UPP2: variants seen among roughly 807,000 people sequenced by gnomAD.
The protein encoded by UPP2 is uridine phosphorylase 2.
UPP2 carries 23 observed loss-of-function variants against 26.7 expected under a neutral mutation model. The observed-to-expected ratio is 0.86, with a 90% CI of 0.62 to 1.22. UPP2 has a LOEUF of 1.22. Ranked by LOEUF, UPP2 falls within the 50% of genes most tolerant of loss-of-function variation. UPP2 has a pLI of 0.00. For synonymous variants in UPP2, 127 were observed against 141.3 expected, an observed-to-expected ratio of 0.90 and a Z score of 0.72; for missense variants, 387 against 396.7, an observed-to-expected ratio of 0.98 and a Z score of 0.21.
chr2:158,033,059 C>T (rs1683947318), intron 3 of UPP2, among the ~76,000 whole-genome samples: 1 of 152,076 alleles, frequency 6.6e-6, no homozygotes, highest in Admixed American at 6.5e-5. Flanking sequence ...CCTAGGAGGC[C>T]AGGGGTCATT....
At chr2:158,075,896 G>A (rs575488283) in intron 3 of UPP2, among the ~76,000 whole-genome samples, 1 of 151,518 alleles carries the variant, frequency 6.6e-6, no homozygotes, top group South Asian at 2.1e-4. Flanking sequence ...TCAACAAAAT[G>A]AAAAGATTTT....
chr2:158,086,232 G>C (rs928983228), intron 3 of UPP2, among the ~76,000 whole-genome samples: 1 of 151,862 alleles, frequency 6.6e-6, no homozygotes, highest in Non-Finnish European at 1.5e-5. Context: ...ATCTGGGAGG[G>C]TTATATATTT....
intron 3 of UPP2, among the ~76,000 whole-genome samples, chr2:158,069,297 G>C (rs1178877227): frequency 3.9e-5 from 6 of 152,142 alleles, no homozygotes; most frequent in Non-Finnish European, 7.3e-5. Context: ...ATGAAGCTGG[G>C]CCATTTAGTT....
intron 3 of UPP2, among the ~76,000 whole-genome samples, chr2:158,088,643 G>A (rs1682857247): frequency 6.6e-6 from 1 of 152,188 alleles, no homozygotes; most frequent in Non-Finnish European, 1.5e-5. Flanking sequence ...CTCAAGGGCT[G>A]CTGTTCAGAT....
At chr2:158,056,269 A>C (rs1212808443) in intron 3 of UPP2, among the ~76,000 whole-genome samples, 1 of 151,900 alleles carries the variant, frequency 6.6e-6, no homozygotes, top group African/African-American at 2.4e-5. Flanking sequence ...GCTCCCATCT[A>C]CCCCACACCG....
intron 2 of UPP2, 55 bp downstream of exon 2, chr2:158,106,271 C>A (rs550935186): frequency 2.0e-6 from 3 of 1,507,038 alleles, no homozygotes; most frequent in Admixed American, 3.6e-5. Flanking sequence ...ACTAATTTTT[C>A]TTCTTACCTT....
intron 3 of UPP2, among the ~76,000 whole-genome samples, chr2:158,093,389 C>T (rs529362399): frequency 3.2e-4 from 49 of 151,608 alleles, no homozygotes; most frequent in Non-Finnish European, 4.3e-4. Context: ...AGATAAAAGA[C>T]AACTTTTTGA....
At chr2:158,088,770 T>C (rs1420566892) in intron 3 of UPP2, among the ~76,000 whole-genome samples, 4 of 152,194 alleles carry the variant, frequency 2.6e-5, no homozygotes, top group Non-Finnish European at 5.9e-5. Flanking sequence ...TAGCCACCCA[T>C]TGCAACTACT....
upstream of UPP2, among the ~76,000 whole-genome samples, chr2:158,098,063 CA>C (rs1057185206): frequency 6.6e-6 from 1 of 151,828 alleles, no homozygotes; most frequent in Non-Finnish European, 1.5e-5. Context: ...GTCATTAACA[CA>C]AAAAAACCTA....
chr2:158,048,274 C>T (rs965076159), intron 3 of UPP2, among the ~76,000 whole-genome samples: 1 of 152,148 alleles, frequency 6.6e-6, no homozygotes, highest in African/African-American at 2.4e-5. Flanking sequence ...AGTGGGGCCC[C>T]CATGCTCAGT....
rs10460440 is a variant in UPP2, at chr2:158,047,718, T to A, written c.147+31832T>A. Among the ~76,000 whole-genome samples, 62 of 152,366 alleles carry A rather than the reference T, an allele frequency of 4.1e-4. No homozygotes were observed. In the East Asian group the frequency reaches 0.012, roughly 28 times the overall value. ...AAAGGAATGTAGCTTCAGTTACAGT[T>A]GCAGATAGAAGGCAGCATATCATCC... On this transcript the variant is annotated intron_variant, in intron 3 of 9. Coordinates refer to the UPP2 transcript ENST00000605860.
chr2:158,056,700 G>A (rs766232909), intron 3 of UPP2, among the ~76,000 whole-genome samples: 7 of 152,152 alleles, frequency 4.6e-5, no homozygotes, highest in African/African-American at 7.2e-5. Context: ...TCACATGGCC[G>A]TGAGATTCTT....
intron 2 of UPP2, among the ~76,000 whole-genome samples, chr2:158,007,594 A>C (rs1683511564): frequency 6.6e-6 from 1 of 150,816 alleles, no homozygotes; most frequent in South Asian, 2.1e-4. Flanking sequence ...ATTTGCTAAG[A>C]GGAGCGTGGG....
At chr2:158,114,883 G>C (rs1200499812) in intron 2 of UPP2, among the ~76,000 whole-genome samples, 1 of 152,152 alleles carries the variant, frequency 6.6e-6, no homozygotes, top group African/African-American at 2.4e-5. Flanking sequence ...TTGATTTTGT[G>C]ATTTTCTTTA....
intron 3 of UPP2, among the ~76,000 whole-genome samples, chr2:158,039,676 G>A (rs1222848548): frequency 2.0e-5 from 3 of 152,188 alleles, no homozygotes; most frequent in Non-Finnish European, 4.4e-5. Context: ...GGAATCACCT[G>A]CCATCTTTCT....
chr2:158,033,470 T>C (rs930156977), intron 3 of UPP2, among the ~76,000 whole-genome samples: 2 of 152,078 alleles, frequency 1.3e-5, no homozygotes, highest in African/African-American at 4.8e-5. Flanking sequence ...TGCTGAAGAA[T>C]AGCTTCTCCA....
intron 3 of UPP2, among the ~76,000 whole-genome samples, chr2:158,050,390 T>G (rs1033417032): frequency 2.7e-4 from 40 of 150,522 alleles, no homozygotes; most frequent in African/African-American, 9.7e-4. Flanking sequence ...ATTATTTAGT[T>G]TTTTTTTTTT....
At chr2:158,001,450 C>T (rs1683406229) in intron 2 of UPP2, among the ~76,000 whole-genome samples, 1 of 152,002 alleles carries the variant, frequency 6.6e-6, no homozygotes, top group Non-Finnish European at 1.5e-5. Context: ...GAATAAATAC[C>T]CTGGCCTTCT....
chr2:158,118,869 C>A (rs1468078442), intron 4 of UPP2, among the ~76,000 whole-genome samples: 1 of 152,022 alleles, frequency 6.6e-6, no homozygotes, highest in East Asian at 1.9e-4. Flanking sequence ...CCATGCTTCA[C>A]TAGAAATCAG....
Sources: allele counts gnomAD v4.1 joint callset (sites outside exome capture counted in the v4.1 genomes callset), GRCh38; gene constraint gnomAD v4.1.1; transcripts MANE v1.5; gene names NCBI Gene and HGNC (gene_info 2026-07-23, HGNC 2026-07-21).